The following SYNC variants were observed in gnomAD, a reference collection of about 807,000 sequenced individuals.
SYNC encodes the protein syncoilin.
Under a neutral mutation model 49.5 loss-of-function variants are expected in SYNC, and 38 were observed. The ratio of observed to expected loss-of-function variants is 0.77; its 90% CI spans 0.59 to 1.01. The LOEUF is 1.01. Ranked by LOEUF, SYNC falls within the 50% of genes least tolerant of loss-of-function variation. SYNC has a pLI of 0.00. For synonymous variants in SYNC, 201 were observed against 230.8 expected (o/e 0.87, Z 1.17); for missense variants, 579 against 580.6 (o/e 1.00, Z 0.03).
chr1:32,699,579 A>C (rs1650587272), intron 1 of SYNC, among the ~76,000 whole-genome samples: 1 of 151,826 alleles, frequency 6.6e-6, no homozygotes, highest in Non-Finnish European at 1.5e-5. Context: ...TTCTAAAAGG[A>C]CTTCCTCCTC....
chr1:32,703,501 CACTG>C (rs1392724224), upstream of SYNC: 1 of 152,336 alleles, frequency 6.6e-6, no homozygotes, highest in African/African-American at 2.4e-5. Flanking sequence ...GTCAAACCAG[CACTG>C]ACGTCTTTCT....
rs114339407 is a variant in SYNC, at chr1:32,698,933, G to A, written c.54-2889C>T. Among the ~76,000 whole-genome samples the A allele has an allele frequency of 3.2e-3, 480 of 150,606 alleles. 3 individuals are homozygous for A. The highest frequency in any genetic ancestry group is 0.01 in the African/African-American group (424 of 41,026). ...GTAGCCAGGACTACAGGCACGTAGC[G>A]CCACACCCGCTAATTTTTTAACTTT... On this transcript the variant is annotated intron_variant, in intron 1 of 4. Transcript: ENST00000409190.
chr1:32,692,091 G>A (rs903181275), intron 2 of SYNC, among the ~76,000 whole-genome samples: 26 of 151,926 alleles, frequency 1.7e-4, no homozygotes, highest in African/African-American at 5.1e-4. Flanking sequence ...AATTAGCCTG[G>A]TGCGGTGGCG....
intron 2 of SYNC, among the ~76,000 whole-genome samples, chr1:32,690,182 G>T (rs865943660): frequency 6.6e-6 from 1 of 152,004 alleles, no homozygotes. Flanking sequence ...AATAGAGAAA[G>T]ATTCATTTGA....
Position 32,695,778 on chromosome 1 carries a change from ACT to A in SYNC, c.318_319del (p.Val109GlyfsTer30). On this transcript the variant is annotated frameshift_variant, in exon 2 of 5. Coordinates refer to ENST00000409190, the MANE Select transcript of SYNC (RefSeq NM_030786.3). LOFTEE classifies it high-confidence loss of function. ...TGGCTCCGTGGTTTCCTCCACACAC[ACT>A]GTCTCCTCTGGATTCCCAGGCTCCT... 1 of 1,551,212 alleles carries A rather than the reference ACT, an allele frequency of 6.4e-7. No individual in the cohort carries two copies. The highest frequency in any genetic ancestry group is 8.7e-7 in the Non-Finnish European group (1 of 1,146,872).
intron 2 of SYNC, among the ~76,000 whole-genome samples, chr1:32,689,063 C>T (rs1205781416): frequency 2.6e-5 from 4 of 151,290 alleles, no homozygotes; most frequent in Admixed American, 6.6e-5. Flanking sequence ...CTCATCCTCC[C>T]GAGAAGCTGG....
chr1:32,697,182 C>T (rs1160172635), intron 1 of SYNC, among the ~76,000 whole-genome samples: 2 of 151,966 alleles, frequency 1.3e-5, no homozygotes, highest in African/African-American at 4.8e-5. Flanking sequence ...TGGCTCACAC[C>T]TGTAATCTCA....
intron 2 of SYNC, among the ~76,000 whole-genome samples, chr1:32,691,086 C>T (rs1463871014): frequency 1.3e-5 from 2 of 152,120 alleles, no homozygotes; most frequent in African/African-American, 4.8e-5. Context: ...GCTATGGTGG[C>T]ATGCACCTGT....
chr1:32,684,726 C>T (rs927340040), intron 2 of SYNC: 12 of 196,454 alleles, frequency 6.1e-5, no homozygotes, highest in African/African-American at 1.9e-4. Flanking sequence ...ATACCTCTCC[C>T]TCCATGTGCA....
At chr1:32,689,538 G>T (rs1650057610) in intron 2 of SYNC, among the ~76,000 whole-genome samples, 1 of 151,832 alleles carries the variant, frequency 6.6e-6, no homozygotes, top group Non-Finnish European at 1.5e-5. Context: ...ATAGCTCACT[G>T]CCTGGCCCAC....
intron 1 of SYNC, among the ~76,000 whole-genome samples, chr1:32,697,826 C>G (rs1384992811): frequency 6.6e-6 from 1 of 151,946 alleles, no homozygotes; most frequent in Non-Finnish European, 1.5e-5. Flanking sequence ...ATCCTTGTGA[C>G]ACAAATGACA....
Position 32,687,861 on chromosome 1 carries a change from A to ATTATTATTTTTT in SYNC, c.1234-3480_1234-3479insAAAAAATAATAA, listed in dbSNP as rs1280120903. On this transcript the variant is annotated intron_variant, in intron 2 of 4. Transcript: ENST00000409190. Reference sequence around the variant, plus strand: ...TATTATTATTATTATTATTATTATTATTTTTTGAGATGGAGTCTTGCTCTG... The same window carrying ATTATTATTTTTT: ...TATTATTATTATTATTATTATTATTATTATTATTTTTTTTTTTTGAGATGGAGTCTTGCTCTG... 1.2e-3 allele frequency among the ~76,000 whole-genome samples: 182 copies of ATTATTATTTTTT among 146,442 alleles called. 1 individual carries two copies. The Middle Eastern group carries it at 0.014, about 12-fold the overall frequency.
chr1:32,681,915 G>A, intron 4 of SYNC, 55 bp from the exon 5 acceptor site: 1 of 1,490,556 alleles, frequency 6.7e-7, no homozygotes, highest in Non-Finnish European at 9.4e-7. Context: ...TTTAGTTACT[G>A]CAGGCTTTGT....
In SYNC at chr1:32,680,807, T is replaced by G; in HGVS notation, c.*1043A>C. The G allele has an allele frequency of 1.2e-5, 5 of 415,604 alleles. No individual in the cohort carries two copies. The East Asian group carries it at 1.9e-4, about 16-fold the overall frequency. 25.7% of individuals were successfully genotyped at this position (415,604 alleles called of 1,614,324 possible). The stretch of plus-strand genomic sequence containing the variant: ...TAGTCCCAGAGCTGTAGAAAAGAAC[T>G]TTACTCCTTCCCAGGGAAAGTGAAA... On this transcript the variant is annotated 3_prime_UTR_variant, in exon 5 of 5. Coordinates refer to ENST00000409190, the MANE Select transcript of SYNC (RefSeq NM_030786.3).
chr1:32,686,108 G>C (rs776134450), intron 2 of SYNC: 2 of 152,218 alleles, frequency 1.3e-5, no homozygotes, highest in Non-Finnish European at 2.9e-5. Flanking sequence ...ATACACAGCA[G>C]ATTTCTAAGA....
intron 2 of SYNC, among the ~76,000 whole-genome samples, chr1:32,687,833 A>AAGAATTATTATTATTATTATTATT (rs1553199359): frequency 2.6e-5 from 1 of 38,216 alleles, no homozygotes; most frequent in African/African-American, 4.6e-5. Flanking sequence ...CTGCCCAGTG[A>AAGAATTATTATTATTATTATTATT]ATTATTATTA....
intron 2 of SYNC, among the ~76,000 whole-genome samples, chr1:32,687,319 C>T (rs1649894397): frequency 6.7e-6 from 1 of 148,488 alleles, no homozygotes; most frequent in Non-Finnish European, 1.5e-5. Flanking sequence ...TGAGATCGTG[C>T]CATTGCACTC....
At position 32,681,975 on chromosome 1, in the gene SYNC, C is replaced by T. The variant is rs945966892; in HGVS notation, c.1439-115G>A. 4.4e-6 allele frequency: 4 copies of T among 918,212 alleles called. No individual in the cohort carries two copies. In the African/African-American group the frequency reaches 5.0e-5, roughly 11 times the overall value. The allele number at this position is 918,212 out of a possible 1,614,324, so 56.9% of individuals were successfully genotyped here. On this transcript the variant is annotated intron_variant, in intron 4 of 4. Coordinates refer to ENST00000409190, the MANE Select transcript of SYNC (RefSeq NM_030786.3). ...TTTATGGATGATCAGGGATGACTTT[C>T]CCCTAGCAAATATTTGGATGCCTCC...
intron 2 of SYNC, among the ~76,000 whole-genome samples, chr1:32,693,081 GTTT>G (rs796677267): frequency 1.5e-5 from 1 of 65,670 alleles, no homozygotes; most frequent in Non-Finnish European, 3.7e-5. Flanking sequence ...TTTTTTGTTT[GTTT>G]GTTTTTGTTT....
Sources: gnomAD v4.1 joint callset for allele counts (sites outside exome capture counted in the v4.1 genomes callset) on GRCh38, gnomAD v4.1.1 for gene constraint, MANE v1.5 for transcripts, NCBI Gene and HGNC (gene_info 2026-07-23, HGNC 2026-07-21) for gene names.